The following ACOXL variants were observed in gnomAD, a reference collection of about 807,000 sequenced individuals.
ACOXL encodes acyl-CoA oxidase like.
ACOXL carries 70 observed loss-of-function variants against 71.9 expected under a neutral mutation model. The ratio of observed to expected loss-of-function variants is 0.97; its 90% confidence interval spans 0.80 to 1.19. The LOEUF is 1.19. ACOXL is among the 50% of genes most tolerant of loss of function. The probability of loss-of-function intolerance (pLI) is 0.00; values close to 1 mark genes in which losing one functional copy is unlikely to be tolerated. For synonymous variants in ACOXL, 253 were observed against 281.6 expected (o/e 0.90, Z 1.02); for missense variants, 703 against 736.3 (o/e 0.95, Z 0.52).
Position 110,964,526 on chromosome 2 carries a change from C to T in ACOXL, c.1060-22582C>T, listed in dbSNP as rs538975335. 2.5e-3 allele frequency among the ~76,000 whole-genome samples: 381 copies of T among 152,296 alleles called. 4 individuals are homozygous for T. Among genetic ancestry groups the T allele is most frequent in the African/African-American group, 7.9e-3 (327 of 41,560 alleles). On this transcript the variant is annotated intron_variant, in intron 12 of 17. Coordinates refer to ENST00000439055, the MANE Select transcript of ACOXL (RefSeq NM_001142807.4). ...GACATTTGTCATTAGGCTGTTTCAT[C>T]GTTGTGTCAACATCATAGAGTGCAC...
chr2:111,070,501 T>G (rs1174089657), intron 16 of ACOXL, among the ~76,000 whole-genome samples: 1 of 152,058 alleles, frequency 6.6e-6, no homozygotes, highest in Non-Finnish European at 1.5e-5. Context: ...TACCTGAAAG[T>G]GGAGGCTAGG....
At chr2:110,953,942 C>T (rs2061415405) in intron 12 of ACOXL, among the ~76,000 whole-genome samples, 1 of 152,228 alleles carries the variant, frequency 6.6e-6, no homozygotes, top group African/African-American at 2.4e-5. Context: ...TCACTTCCCA[C>T]CAGACCGCTG....
chr2:111,000,244 G>A (rs2063559186), intron 14 of ACOXL, among the ~76,000 whole-genome samples: 1 of 152,176 alleles, frequency 6.6e-6, no homozygotes, highest in Non-Finnish European at 1.5e-5. Flanking sequence ...CATAGCTGTA[G>A]CCACACTGTT....
In ACOXL at chr2:110,884,275, G is replaced by A. The variant is rs189705103; in HGVS notation, c.789-24514G>A. ...AAGAAGATGAGAACTATCTTAACAA[G>A]GTGTGTTTGTCCAGAATTCTCTGAG... On this transcript the variant is annotated intron_variant, in intron 10 of 17. Transcript: ENST00000439055. Among the ~76,000 whole-genome samples the A allele has an allele frequency of 4.9e-3, 751 of 152,280 alleles. 3 individuals carry two copies. Among genetic ancestry groups the A allele is most frequent in the Non-Finnish European group, 7.9e-3 (537 of 68,016 alleles).
intron 10 of ACOXL, among the ~76,000 whole-genome samples, chr2:110,902,910 G>A (rs1417411769): frequency 6.6e-6 from 1 of 152,186 alleles, no homozygotes; most frequent in Non-Finnish European, 1.5e-5. Context: ...TCCTGCCTGT[G>A]GTCAGGTTAT....
chr2:111,091,193 G>A (rs1443936367), intron 16 of ACOXL, among the ~76,000 whole-genome samples: 2 of 152,100 alleles, frequency 1.3e-5, no homozygotes, highest in African/African-American at 4.8e-5. Flanking sequence ...TACCCTCTAA[G>A]CCTAGAAGGT....
Position 110,799,016 on chromosome 2 carries a change from C to A in ACOXL, c.463C>A (p.Pro155Thr). The A allele has an allele frequency of 1.9e-6, 3 of 1,613,858 alleles. No individual in the cohort carries two copies. The highest frequency in any genetic ancestry group is 1.7e-6 in the Non-Finnish European group (2 of 1,179,890). ...QLIIDGRSQG[P>T]HCFIVPVRDE... is the part of the protein sequence containing the mutation. The stretch of plus-strand genomic sequence containing the variant: ...AATGATCTCGATGCCTTCCTTAGGG[C>A]CCCACTGTTTCATCGTTCCTGTCCG... The change falls in exon 7 of 18, where the codon CCC (proline) becomes ACC (threonine). Residue 155 changes from proline (P) to threonine (T), a missense_variant and splice_region_variant. Transcript: ENST00000439055.
intron 17 of ACOXL, among the ~76,000 whole-genome samples, chr2:111,107,966 G>A (rs1262071457): frequency 6.6e-6 from 1 of 152,148 alleles, no homozygotes; most frequent in Non-Finnish European, 1.5e-5. Flanking sequence ...GTTTCTTCCA[G>A]CAGCAGTACT....
intron 12 of ACOXL, among the ~76,000 whole-genome samples, chr2:110,986,313 G>A (rs911294346): frequency 6.6e-6 from 1 of 152,206 alleles, no homozygotes; most frequent in African/African-American, 2.4e-5. Context: ...GAAAGAGAAT[G>A]AATCAGCTAT....
chr2:111,113,548 C>G (rs774438096), intron 17 of ACOXL, among the ~76,000 whole-genome samples: 33 of 152,154 alleles, frequency 2.2e-4, no homozygotes, highest in African/African-American at 7.7e-4. Flanking sequence ...CCTGGCCCTC[C>G]GGGATGGAAT....
chr2:110,992,041 G>C (rs748789129), intron 13 of ACOXL, among the ~76,000 whole-genome samples: 25 of 152,290 alleles, frequency 1.6e-4, no homozygotes, highest in Non-Finnish European at 3.2e-4. Context: ...TTCTTTTTCA[G>C]ATAGCAAAGC....
chr2:110,978,709 T>G (rs552864737), intron 12 of ACOXL, among the ~76,000 whole-genome samples: 9 of 152,336 alleles, frequency 5.9e-5, no homozygotes, highest in African/African-American at 1.9e-4. Context: ...TGAACATGTT[T>G]GAGTAACATT....
intron 17 of ACOXL, chr2:111,101,889 G>C (rs1374493723): frequency 1.3e-5 from 2 of 152,614 alleles, no homozygotes; most frequent in Non-Finnish European, 2.9e-5. Flanking sequence ...GAAATGGAGT[G>C]ATCATACCGG....
intron 16 of ACOXL, among the ~76,000 whole-genome samples, chr2:111,060,431 G>C (rs1436556980): frequency 6.6e-6 from 1 of 152,140 alleles, no homozygotes; most frequent in Non-Finnish European, 1.5e-5. Context: ...GGCCTAGTGG[G>C]AGCCAGCACC....
At position 110,801,697 on chromosome 2, in the gene ACOXL, G is replaced by A. The variant is rs759410697; in HGVS notation, c.593G>A (p.Arg198Gln). Residue 198 changes from arginine (R) to glutamine (Q), a missense_variant, in exon 8 of 18, where the codon CGG (arginine) becomes CAG (glutamine). Physicochemically the swap from Arg to Gln is conservative, Grantham distance 43. Transcript: ENST00000439055. The stretch of plus-strand genomic sequence containing the variant: ...GGGATATTAATATTTGACAAGGTTC[G>A]GATACCCAGGGAGAACCTGCTGGAT... Reference protein sequence around the residue: ...DNGILIFDKVRIPRENLLDKF... With the variant: ...DNGILIFDKVQIPRENLLDKF... 4 of 1,614,030 alleles carry A rather than the reference G, an allele frequency of 2.5e-6. No homozygotes were observed. Among genetic ancestry groups the A allele is most frequent in the African/African-American group, 1.3e-5 (1 of 74,990 alleles).
At chr2:110,795,416 C>G (rs758597623) in intron 5 of ACOXL, among the ~76,000 whole-genome samples, 4 of 152,198 alleles carry the variant, frequency 2.6e-5, no homozygotes, top group Non-Finnish European at 2.9e-5. Flanking sequence ...ATCAAACTCC[C>G]TCTGTGTAGT....
intron 12 of ACOXL, among the ~76,000 whole-genome samples, chr2:110,952,470 C>G (rs192533557): frequency 6.6e-6 from 1 of 152,180 alleles, no homozygotes; most frequent in Admixed American, 6.5e-5. Context: ...TTTATTACTT[C>G]TTTTCTTCTG....
Position 110,841,398 on chromosome 2 carries a change from A to G in ACOXL, c.781A>G (p.Ser261Gly). ...KLGLTIAIRYSHSRRQFGPKT... is the reference protein window; with the variant it reads ...KLGLTIAIRYGHSRRQFGPKT... ...TGGGTTGACGATAGCCATTCGCTAT[A>G]GCCACAGGTAAATGTTTACATTTTT... The change falls in exon 10 of 18, where the codon AGC becomes GGC. Residue 261 changes from serine (S) to glycine (G), a missense_variant. Physicochemically the swap from Ser to Gly is moderately conservative, Grantham distance 56. Coordinates refer to ENST00000439055, the MANE Select transcript of ACOXL (RefSeq NM_001142807.4). 6 of 1,609,890 alleles carry G rather than the reference A, an allele frequency of 3.7e-6. No individual in the cohort carries two copies. The highest frequency in any genetic ancestry group is 1.3e-5 in the African/African-American group (1 of 75,018).
At chr2:110,836,362 T>A (rs1326260245) in intron 9 of ACOXL, among the ~76,000 whole-genome samples, 1 of 152,204 alleles carries the variant, frequency 6.6e-6, no homozygotes, top group Non-Finnish European at 1.5e-5. Context: ...AGTGGTATTC[T>A]GTGTGTCCAT....
Sources: allele counts gnomAD v4.1 joint callset (sites outside exome capture counted in the v4.1 genomes callset), GRCh38; gene constraint gnomAD v4.1.1; transcripts MANE v1.5; gene names NCBI Gene and HGNC (gene_info 2026-07-23, HGNC 2026-07-21).